The following TMEM255B variants were observed in gnomAD, a reference collection of about 807,000 sequenced individuals.
TMEM255B encodes family with sequence similarity 70, member B.
A neutral mutation model predicts 34.5 loss-of-function variants in TMEM255B; 35 were observed. The observed-to-expected ratio is 1.01, with a 90% CI of 0.77 to 1.34. TMEM255B has a LOEUF of 1.34. Ranked by LOEUF, TMEM255B falls within the 40% of genes most tolerant of loss-of-function variation. The probability of loss-of-function intolerance (pLI) is 0.00; values close to 1 mark genes in which losing one functional copy is unlikely to be tolerated. For missense variants in TMEM255B, 432 were observed against 433.2 expected (o/e 1.00, Z 0.02); for synonymous variants, 206 against 201.2 (o/e 1.02, Z -0.20).
chr13:113,804,033 C>G (rs970710903), intron 7 of TMEM255B, among the ~76,000 whole-genome samples: 1 of 105,422 alleles, frequency 9.5e-6, no homozygotes, highest in South Asian at 3.4e-4. Flanking sequence ...GCTGCTGAAC[C>G]TGGGGGTGGG....
intron 3 of TMEM255B, among the ~76,000 whole-genome samples, chr13:113,773,671 T>G (rs1006652753): frequency 2.6e-5 from 4 of 152,268 alleles, no homozygotes; most frequent in Admixed American, 6.5e-5. Context: ...GAACCCATAT[T>G]TCACAATCTC....
At chr13:113,799,918 A>G (rs2051012035) in intron 5 of TMEM255B, 2 of 1,273,546 alleles carry the variant, frequency 1.6e-6, no homozygotes, top group African/African-American at 1.5e-5. Flanking sequence ...TGTGTCTCGC[A>G]CCTGCCCTGT....
Position 113,812,282 on chromosome 13 carries a change from A to G in TMEM255B, c.*379A>G, listed in dbSNP as rs190796808. 7 of 261,350 alleles carry G rather than the reference A, an allele frequency of 2.7e-5. No individual in the cohort carries two copies. The highest frequency in any genetic ancestry group is 4.4e-5 in the Non-Finnish European group (6 of 137,208). The allele number at this position is 261,350 out of a possible 1,614,324, so 16.2% of individuals were successfully genotyped here. On this transcript the variant is annotated 3_prime_UTR_variant, in exon 9 of 9. Transcript: ENST00000375353. Reference sequence around the variant, plus strand: ...TGCCTGTGTGTTCTTGTTTGTGGACATGTGTTGTGCGTTACACGTTCGTGT... The same window carrying G: ...TGCCTGTGTGTTCTTGTTTGTGGACGTGTGTTGTGCGTTACACGTTCGTGT...
At position 113,775,605 on chromosome 13, in the gene TMEM255B, G is replaced by C. The variant is rs188868301; in HGVS notation, c.252+6445G>C. ...AAGGGCCGGGTGTTCTGGAGGACAGGCGTTGAGTGGGCCCCATCCACTTGC... is the reference window on the plus strand; with the variant it reads ...AAGGGCCGGGTGTTCTGGAGGACAGCCGTTGAGTGGGCCCCATCCACTTGC... On this transcript the variant is annotated intron_variant, in intron 3 of 8. Coordinates refer to ENST00000375353, the MANE Select transcript of TMEM255B (RefSeq NM_182614.4). Among the ~76,000 whole-genome samples the C allele has an allele frequency of 1.5e-3, 235 of 152,374 alleles. 1 individual carries two copies. Among genetic ancestry groups the C allele is most frequent in the African/African-American group, 5.2e-3 (217 of 41,590 alleles).
intron 2 of TMEM255B, among the ~76,000 whole-genome samples, chr13:113,768,445 G>A (rs1418714677): frequency 6.6e-6 from 1 of 152,220 alleles, no homozygotes; most frequent in Admixed American, 6.5e-5. Context: ...TTTCTGCCCA[G>A]AGCTGGGGCT....
intron 8 of TMEM255B, among the ~76,000 whole-genome samples, chr13:113,811,225 G>A (rs181185399): frequency 1.2e-4 from 14 of 112,448 alleles, no homozygotes; most frequent in African/African-American, 4.9e-4. Context: ...GGGGGGGGCC[G>A]GTGAGAGAGG....
In TMEM255B at chr13:113,780,232, T is replaced by C. The variant is rs533253760; in HGVS notation, c.252+11072T>C. ...GGAGGCCAGTTTCCAAGGCCTTTCTTGGCTTCATAAGTCAAGTTTGATTCC... is the reference window on the plus strand; with the variant it reads ...GGAGGCCAGTTTCCAAGGCCTTTCTCGGCTTCATAAGTCAAGTTTGATTCC... On this transcript the variant is annotated intron_variant, in intron 3 of 8. Transcript: ENST00000375353. Among the ~76,000 whole-genome samples the C allele has an allele frequency of 7.2e-4, 109 of 152,338 alleles. No homozygotes were observed. The South Asian group carries it at 0.022, about 30-fold the overall frequency.
intron 1 of TMEM255B, among the ~76,000 whole-genome samples, chr13:113,763,044 G>A (rs2050333345): frequency 6.6e-6 from 1 of 152,200 alleles, no homozygotes; most frequent in South Asian, 2.1e-4. Context: ...CTAAGGAAAA[G>A]CAGGAAAGGC....
rs186264371 is a variant in TMEM255B, at chr13:113,814,122, T to C, written c.*2219T>C. ...TGGTGCCGTGGTCTTGTGTGGGCGG[T>C]TCCTGGGCACCCTGGAGCTCGGGCT... On this transcript the variant is annotated 3_prime_UTR_variant, in exon 9 of 9. Coordinates refer to ENST00000375353, the MANE Select transcript of TMEM255B (RefSeq NM_182614.4). 1.3e-5 allele frequency: 2 copies of C among 152,230 alleles called. No individual in the cohort carries two copies. The highest frequency in any genetic ancestry group is 2.9e-5 in the Non-Finnish European group (2 of 68,028). The allele number at this position is 152,230 out of a possible 1,614,324, so 9.4% of individuals were successfully genotyped here.
At chr13:113,772,718 CAT>C (rs1276520265) in intron 3 of TMEM255B, among the ~76,000 whole-genome samples, 2 of 152,214 alleles carry the variant, frequency 1.3e-5, no homozygotes, top group Non-Finnish European at 2.9e-5. Flanking sequence ...ATTGGCCATA[CAT>C]ATATGGTTTA....
rs532317227 is a variant in TMEM255B, at chr13:113,770,253, C to G, written c.252+1093C>G. On this transcript the variant is annotated intron_variant, in intron 3 of 8. Coordinates refer to ENST00000375353, the MANE Select transcript of TMEM255B (RefSeq NM_182614.4). This position sits in a 1 kb window ranked among gnomAD's most constrained non-coding sequence, Gnocchi z 4.6. ...AGACAGAGCCTGTGCAGGGAAACTCCCCCTTGTAATAACCATCAGATCTTG... is the reference window on the plus strand; with the variant it reads ...AGACAGAGCCTGTGCAGGGAAACTCGCCCTTGTAATAACCATCAGATCTTG... Among the ~76,000 whole-genome samples the G allele has an allele frequency of 6.6e-6, 1 of 152,088 alleles. No homozygotes were observed. The highest frequency in any genetic ancestry group is 1.5e-5 in the Non-Finnish European group (1 of 68,020).
intron 2 of TMEM255B, chr13:113,768,325 G>A: frequency 4.5e-6 from 2 of 447,760 alleles, no homozygotes; most frequent in Admixed American, 4.8e-5. Context: ...CTGCCAGGTG[G>A]GCGTCACCTG....
chr13:113,801,803 C>G lies in TMEM255B; in HGVS notation c.660C>G (p.Phe220Leu). ...TCACCGCCGCCGTCCTGGGGGCCTT[C>G]AAGGACATGGTGAGGCCCCTTGGTG... is the stretch of plus-strand genomic sequence containing the variant. ...GIITAAVLGA[F>L]KDMVPLSQLA... Residue 220 changes from phenylalanine to leucine, a missense_variant, in exon 7 of 9, where the codon TTC (phenylalanine) becomes TTG (leucine). Physicochemically the swap from Phe to Leu is conservative, Grantham distance 22. Coordinates refer to ENST00000375353, the MANE Select transcript of TMEM255B (RefSeq NM_182614.4). 7.5e-6 allele frequency: 12 copies of G among 1,607,272 alleles called. No individual in the cohort carries two copies. Among genetic ancestry groups the G allele is most frequent in the Non-Finnish European group, 9.3e-6 (11 of 1,176,924 alleles).
chr13:113,776,188 T>C (rs1237770597), intron 3 of TMEM255B, among the ~76,000 whole-genome samples: 1 of 152,128 alleles, frequency 6.6e-6, no homozygotes, highest in Non-Finnish European at 1.5e-5. Flanking sequence ...CTTGGGTTAA[T>C]TTTGGGAGAA....
At chr13:113,803,742 G>A (rs1487113351) in intron 7 of TMEM255B, among the ~76,000 whole-genome samples, 1 of 152,182 alleles carries the variant, frequency 6.6e-6, no homozygotes, top group Non-Finnish European at 1.5e-5. Context: ...CAGAAGCACG[G>A]CCTCCTGCAC....
At chr13:113,792,754 GAAAGTCC>G (rs1276924039) in intron 3 of TMEM255B, among the ~76,000 whole-genome samples, 1 of 152,256 alleles carries the variant, frequency 6.6e-6, no homozygotes, top group Non-Finnish European at 1.5e-5. Context: ...ACAGCCTGTA[GAAAGTCC>G]AAATAGAAGT....
intron 3 of TMEM255B, among the ~76,000 whole-genome samples, chr13:113,777,759 G>A (rs1011493746): frequency 1.3e-5 from 2 of 152,230 alleles, no homozygotes; most frequent in African/African-American, 2.4e-5. Flanking sequence ...GAGCGAGGGC[G>A]GCGCTTCCTG....
chr13:113,767,388 G>A (rs957311467), intron 2 of TMEM255B, among the ~76,000 whole-genome samples: 5 of 152,350 alleles, frequency 3.3e-5, no homozygotes, highest in South Asian at 4.1e-4. Context: ...CATGTGAGGG[G>A]CTTTTCTGCT....
chr13:113,800,092 G>A (rs2138572265), intron 5 of TMEM255B: 1 of 1,175,484 alleles, frequency 8.5e-7, no homozygotes, highest in South Asian at 1.6e-5. Context: ...ATGTGTGTGT[G>A]TGTGGGGGGG....
Sources: allele counts gnomAD v4.1 joint callset (sites outside exome capture counted in the v4.1 genomes callset), GRCh38; gene constraint gnomAD v4.1.1; non-coding constraint Gnocchi (gnomAD v3.1); transcripts MANE v1.5; gene names NCBI Gene and HGNC (gene_info 2026-07-23, HGNC 2026-07-21).